The following EPHA6 variants were observed in gnomAD, a reference collection of about 807,000 sequenced individuals.
The protein encoded by EPHA6 is ephrin type-A receptor 6.
Under a neutral mutation model 112.0 loss-of-function variants are expected in EPHA6, and 50 were observed. That is an observed-to-expected ratio of 0.45 (90% CI 0.36 to 0.56). The LOEUF (loss-of-function observed/expected upper bound fraction) is 0.56. EPHA6 is among the 20% of genes least tolerant of loss of function. The probability of loss-of-function intolerance (pLI) is 0.00; values close to 1 mark genes in which losing one functional copy is unlikely to be tolerated. For synonymous variants in EPHA6, 529 were observed against 490.7 expected (o/e 1.08, Z -1.03); for missense variants, 1,280 against 1,417.4 (o/e 0.90, Z 1.56).
intron 11 of EPHA6, among the ~76,000 whole-genome samples, chr3:97,580,540 C>T (rs1182961783): frequency 6.6e-6 from 1 of 152,154 alleles, no homozygotes; most frequent in Non-Finnish European, 1.5e-5. Context: ...TTTGGGTCCT[C>T]ATTTTGAACT....
At chr3:97,645,047 T>C (rs1372065720) in intron 14 of EPHA6, among the ~76,000 whole-genome samples, 2 of 152,058 alleles carry the variant, frequency 1.3e-5, no homozygotes, top group African/African-American at 4.8e-5. Context: ...AATAAAATAC[T>C]GGCAAAACGA....
intron 13 of EPHA6, among the ~76,000 whole-genome samples, chr3:97,632,160 A>G (rs935002551): frequency 2.0e-5 from 3 of 152,028 alleles, no homozygotes; most frequent in African/African-American, 7.2e-5. Flanking sequence ...CCTATAGTAA[A>G]TATGACTTTT....
intron 2 of EPHA6, among the ~76,000 whole-genome samples, chr3:96,882,768 G>GTGTGTGTGTGTATA (rs774521290): frequency 1.1e-3 from 162 of 148,900 alleles, no homozygotes; most frequent in Admixed American, 8.6e-3. Flanking sequence ...GTGTGTGTGT[G>GTGTGTGTGTGTATA]TATAGTCAAT....
chr3:97,133,611 A>G (rs2075693317), intron 3 of EPHA6, among the ~76,000 whole-genome samples: 1 of 152,058 alleles, frequency 6.6e-6, no homozygotes, highest in Non-Finnish European at 1.5e-5. Flanking sequence ...TAAAGTTACA[A>G]TGTATTTTGT....
chr3:97,479,274 T>G lies in EPHA6; in HGVS notation c.2004-20T>G. ...ATCATACTTCTTAAAACAAGTTTTT[T>G]TTTTTAATCTTTTTAAAAGATGTCA... On this transcript the variant is annotated intron_variant, in intron 8 of 17. Transcript: ENST00000389672. The G allele has an allele frequency of 6.5e-7, 1 of 1,537,350 alleles. No individual in the cohort carries two copies. The highest frequency in any genetic ancestry group is 8.8e-7 in the Non-Finnish European group (1 of 1,141,632).
intron 3 of EPHA6, among the ~76,000 whole-genome samples, chr3:97,071,618 C>T (rs893393924): frequency 3.3e-5 from 5 of 151,974 alleles, no homozygotes; most frequent in Admixed American, 6.6e-5. Flanking sequence ...AGACTGGCCC[C>T]CATGATTCAA....
intron 13 of EPHA6, among the ~76,000 whole-genome samples, chr3:97,615,129 G>T (rs572708727): frequency 6.6e-6 from 1 of 152,126 alleles, no homozygotes; most frequent in Non-Finnish European, 1.5e-5. Flanking sequence ...GAAGGTCAAT[G>T]ACCCACCCAG....
chr3:96,994,759 A>C (rs2612273), intron 3 of EPHA6, among the ~76,000 whole-genome samples: 7,639 of 115,664 alleles, frequency 0.066, 402 homozygotes, highest in African/African-American at 0.12. Context: ...AGAGAGAGAG[A>C]GAGCTATATA....
At chr3:96,948,356 C>G (rs1310776458) in intron 2 of EPHA6, among the ~76,000 whole-genome samples, 2 of 152,168 alleles carry the variant, frequency 1.3e-5, no homozygotes, top group African/African-American at 4.8e-5. Context: ...TATTCCTTTA[C>G]AGTTCATATG....
At chr3:97,720,467 G>C in intron 15 of EPHA6, 57 bp downstream of exon 15, 1 of 1,475,978 alleles carries the variant, frequency 6.8e-7, no homozygotes, top group Non-Finnish European at 9.1e-7. Flanking sequence ...ATTAGCTTGA[G>C]GGGGAATTAT....
chr3:97,291,343 G>A (rs1181619788), intron 5 of EPHA6, among the ~76,000 whole-genome samples: 3 of 152,170 alleles, frequency 2.0e-5, no homozygotes, highest in Admixed American at 1.3e-4. Context: ...ATGAATGTGT[G>A]TTGCTGTTAG....
In EPHA6 at chr3:97,749,729, T is replaced by G. The variant is rs1033101615; in HGVS notation, c.*1028T>G. Among the ~76,000 whole-genome samples, 7 of 152,232 alleles carry G rather than the reference T, an allele frequency of 4.6e-5. No individual in the cohort carries two copies. Among genetic ancestry groups the G allele is most frequent in the Admixed American group, 4.6e-4 (7 of 15,284 alleles). On this transcript the variant is annotated 3_prime_UTR_variant, in exon 18 of 18. Transcript: ENST00000389672. The stretch of plus-strand genomic sequence containing the variant: ...ATTTAATTTAAACAGAACTTTATGA[T>G]AGATACATGGTGGCCCAAGAAAATA...
intron 3 of EPHA6, among the ~76,000 whole-genome samples, chr3:97,187,705 G>GAA (rs1404675998): frequency 7.3e-6 from 1 of 137,534 alleles, no homozygotes; most frequent in Non-Finnish European, 1.6e-5. Flanking sequence ...AAGAAAGAAA[G>GAA]AAAGAAAGAA....
rs901279368 is a variant in EPHA6 at position 97,441,492 on chromosome 3, A to T, written c.1732-7076A>T. Reference sequence around the variant, plus strand: ...AAAAATGTAAGTCAGACATAATTATATTTAACCATAACACAATTAGAATCT... The same window carrying T: ...AAAAATGTAAGTCAGACATAATTATTTTTAACCATAACACAATTAGAATCT... On this transcript the variant is annotated intron_variant, in intron 6 of 17. Transcript: ENST00000389672. 13 of 892,636 alleles carry T rather than the reference A, an allele frequency of 1.5e-5. No homozygotes were observed. The Admixed American group carries it at 1.9e-4, about 13-fold the overall frequency. The allele number at this position is 892,636 out of a possible 1,614,324, so 55.3% of individuals were successfully genotyped here. A position where few individuals can be genotyped will look rare whatever the true frequency, so the allele number is the denominator to read the frequency against.
chr3:97,026,573 T>A (rs1332123034), intron 3 of EPHA6, among the ~76,000 whole-genome samples: 1 of 152,110 alleles, frequency 6.6e-6, no homozygotes, highest in Non-Finnish European at 1.5e-5. Flanking sequence ...ATATCCTGCA[T>A]TTGTAAAGAA....
intron 5 of EPHA6, among the ~76,000 whole-genome samples, chr3:97,364,861 A>C (rs2084624476): frequency 6.6e-6 from 1 of 152,162 alleles, no homozygotes; most frequent in Non-Finnish European, 1.5e-5. Flanking sequence ...TTGAAGACTT[A>C]AACTTGAGGT....
chr3:97,615,576 G>C (rs1274789811), intron 13 of EPHA6, among the ~76,000 whole-genome samples: 2 of 152,172 alleles, frequency 1.3e-5, no homozygotes, highest in African/African-American at 4.8e-5. Flanking sequence ...GGACAGGATA[G>C]AGTTCCTGGG....
At chr3:97,694,338 G>A (rs2032877283) in intron 14 of EPHA6, among the ~76,000 whole-genome samples, 1 of 151,930 alleles carries the variant, frequency 6.6e-6, no homozygotes, top group Admixed American at 6.6e-5. Context: ...CCAGGTTCCA[G>A]CAATTCTCCT....
intron 1 of EPHA6, among the ~76,000 whole-genome samples, chr3:96,865,012 G>T (rs1033499917): frequency 1.3e-5 from 2 of 151,996 alleles, no homozygotes; most frequent in Non-Finnish European, 2.9e-5. Flanking sequence ...AGGTAAAAAT[G>T]TATACAAGAA....
Sources: allele counts gnomAD v4.1 joint callset (sites outside exome capture counted in the v4.1 genomes callset), GRCh38; gene constraint gnomAD v4.1.1; transcripts MANE v1.5; gene names NCBI Gene and HGNC (gene_info 2026-07-23, HGNC 2026-07-21).